THSD4: variants seen among roughly 807,000 people sequenced by gnomAD.
The protein encoded by THSD4 is thrombospondin type-1 domain-containing protein 4.
THSD4 carries 69 observed loss-of-function variants against 119.0 expected under a neutral mutation model. The observed-to-expected ratio is 0.58, with a 90% CI of 0.48 to 0.71. The LOEUF is 0.71. Among genes scored for constraint, THSD4 ranks in the 30% least tolerant of loss-of-function variants. The probability of loss-of-function intolerance (pLI) is 0.00; values close to 1 mark genes in which losing one functional copy is unlikely to be tolerated. For synonymous variants in THSD4, 524 were observed against 540.4 expected (o/e 0.97, Z 0.42); for missense variants, 1,393 against 1,391.1 (o/e 1.00, Z -0.02).
intron 7 of THSD4, among the ~76,000 whole-genome samples, chr15:71,502,485 CATGTTTTAACAATTTAAAA>C (rs1464731197): frequency 6.6e-6 from 1 of 152,092 alleles, no homozygotes; most frequent in Non-Finnish European, 1.5e-5. Flanking sequence ...AAATACTAAG[CATGTTTTAACAATTTAAAA>C]ATCTGCTGAA....
intron 8 of THSD4, among the ~76,000 whole-genome samples, chr15:71,694,014 CA>C (rs35248148): frequency 0.011 from 1,535 of 141,238 alleles, 25 homozygotes; most frequent in African/African-American, 0.034. Context: ...GACCCTGTCT[CA>C]AAAAAAAAAA....
In THSD4 at chr15:71,364,202, G is replaced by A. The variant is rs145346045; in HGVS notation, c.1016-47485G>A. Among the ~76,000 whole-genome samples, 927 of 152,286 alleles carry A rather than the reference G, an allele frequency of 6.1e-3. 12 individuals are homozygous for A. Among genetic ancestry groups the A allele is most frequent in the African/African-American group, 0.021 (876 of 41,552 alleles). ...GTTACAGAAAAGGCAGCATGATGGC[G>A]TGGAATCACATGGGATGGGAGTCAG... On this transcript the variant is annotated intron_variant, in intron 6 of 17. Coordinates refer to ENST00000261862, the MANE Select transcript of THSD4 (RefSeq NM_024817.3).
intron 1 of THSD4, among the ~76,000 whole-genome samples, chr15:71,126,491 A>G (rs2040457861): frequency 6.6e-6 from 1 of 152,218 alleles, no homozygotes. Flanking sequence ...GGGAATAGGG[A>G]AAGTTTAAAT....
chr15:71,625,144 C>G (rs2050484663), intron 7 of THSD4, among the ~76,000 whole-genome samples: 1 of 152,072 alleles, frequency 6.6e-6, no homozygotes, highest in South Asian at 2.1e-4. Context: ...GTAGCCAGGA[C>G]TGCAGATATG....
intron 6 of THSD4, among the ~76,000 whole-genome samples, chr15:71,359,589 C>T (rs1027815228): frequency 5.3e-5 from 8 of 152,156 alleles, no homozygotes; most frequent in African/African-American, 1.7e-4. Flanking sequence ...GGGTAGATTG[C>T]TTGAGTTCAA....
At chr15:71,108,448 C>T (rs192001817) in intron 1 of THSD4, among the ~76,000 whole-genome samples, 1 of 152,288 alleles carries the variant, frequency 6.6e-6, no homozygotes, top group East Asian at 1.9e-4. Flanking sequence ...CCGGGAAGAT[C>T]CTTAGCTTTA....
chr15:71,782,244 A>G lies in THSD4; in HGVS notation c.*4870A>G, dbSNP rs1197200078. 8.9e-6 allele frequency: 1 copy of G among 112,294 alleles called. No homozygotes were observed. The highest frequency in any genetic ancestry group is 9.8e-5 in the Admixed American group (1 of 10,160). 7.0% of individuals were successfully genotyped at this position (112,294 alleles called of 1,614,324 possible). A position where few individuals can be genotyped will look rare whatever the true frequency, so the allele number is the denominator to read the frequency against. On this transcript the variant is annotated 3_prime_UTR_variant, in exon 18 of 18. Coordinates refer to ENST00000261862, the MANE Select transcript of THSD4 (RefSeq NM_024817.3). The stretch of plus-strand genomic sequence containing the variant: ...CCATTCCTGTTCATTTCAGCAGATA[A>G]TGATGGAGGGGGGGGGTGTCCATCG...
chr15:71,337,121 C>T (rs140294911), intron 6 of THSD4, among the ~76,000 whole-genome samples: 19 of 152,258 alleles, frequency 1.2e-4, no homozygotes, highest in South Asian at 1.0e-3. Flanking sequence ...TGGTCCTGGG[C>T]TAGGCAGAGG....
intron 6 of THSD4, among the ~76,000 whole-genome samples, chr15:71,378,229 T>C (rs1368105249): frequency 5.3e-5 from 8 of 152,248 alleles, no homozygotes; most frequent in East Asian, 1.9e-4. Context: ...TGGCTTTTTC[T>C]AATAATATCA....
At chr15:71,645,520 C>T (rs1009778303) in intron 7 of THSD4, among the ~76,000 whole-genome samples, 2 of 152,132 alleles carry the variant, frequency 1.3e-5, no homozygotes, top group Admixed American at 6.5e-5. Context: ...ATAGCCAAAC[C>T]ATATCATGAG....
chr15:71,182,915 A>AT lies in THSD4; in HGVS notation c.99+27990dup, dbSNP rs373368458. On this transcript the variant is annotated intron_variant, in intron 3 of 17. Coordinates refer to ENST00000261862, the MANE Select transcript of THSD4 (RefSeq NM_024817.3). The stretch of plus-strand genomic sequence containing the variant: ...TTGTTCCTAATTGTATTCTCTTTGT[A>AT]TTTTTTTATACATTTGATGCATGCT... 5.8e-4 allele frequency among the ~76,000 whole-genome samples: 88 copies of AT among 151,770 alleles called. 2 individuals carry two copies. Among genetic ancestry groups the AT allele is most frequent in the African/African-American group, 1.7e-3 (71 of 41,492 alleles).
intron 6 of THSD4, among the ~76,000 whole-genome samples, chr15:71,276,004 C>T (rs190988681): frequency 8.6e-4 from 131 of 152,320 alleles, no homozygotes; most frequent in African/African-American, 3.0e-3. Flanking sequence ...ATACACTGTC[C>T]TTCCCCCAAA....
intron 8 of THSD4, among the ~76,000 whole-genome samples, chr15:71,696,479 C>T (rs557669609): frequency 8.5e-5 from 13 of 152,234 alleles, no homozygotes; most frequent in South Asian, 4.2e-4. Flanking sequence ...TCCCACTAGG[C>T]GCCACCTCCC....
intron 6 of THSD4, among the ~76,000 whole-genome samples, chr15:71,310,538 G>A (rs1463141979): frequency 6.6e-6 from 1 of 152,188 alleles, no homozygotes; most frequent in Non-Finnish European, 1.5e-5. Flanking sequence ...GTGATCTAAT[G>A]CTAATAGACT....
chr15:71,459,338 G>GTCTCTCTC (rs201750297), intron 7 of THSD4, among the ~76,000 whole-genome samples: 1 of 131,468 alleles, frequency 7.6e-6, no homozygotes, highest in Non-Finnish European at 1.6e-5. Context: ...CTCTCTCTCT[G>GTCTCTCTC]TCTCTCTGTC....
At chr15:71,578,142 T>C (rs1459166967) in intron 7 of THSD4, among the ~76,000 whole-genome samples, 1 of 149,246 alleles carries the variant, frequency 6.7e-6, no homozygotes, top group Non-Finnish European at 1.5e-5. Flanking sequence ...ATATACATTA[T>C]ATCTATCTAT....
intron 7 of THSD4, among the ~76,000 whole-genome samples, chr15:71,643,232 G>A (rs2050900374): frequency 6.6e-6 from 1 of 152,116 alleles, no homozygotes; most frequent in African/African-American, 2.4e-5. Flanking sequence ...CCAAAGAAAA[G>A]AGATATAAGT....
intron 7 of THSD4, among the ~76,000 whole-genome samples, chr15:71,485,770 AT>A (rs1320737245): frequency 6.6e-6 from 1 of 152,156 alleles, no homozygotes; most frequent in African/African-American, 2.4e-5. Context: ...ACTGGTAAAT[AT>A]TTTAGTGTTA....
chr15:71,432,205 C>A (rs992245852), intron 7 of THSD4, among the ~76,000 whole-genome samples: 2 of 152,174 alleles, frequency 1.3e-5, no homozygotes, highest in South Asian at 4.2e-4. Context: ...TTTTAACATA[C>A]TGAGTATGCC....
Sources: gnomAD v4.1 joint callset for allele counts (sites outside exome capture counted in the v4.1 genomes callset) on GRCh38, gnomAD v4.1.1 for gene constraint, MANE v1.5 for transcripts, NCBI Gene and HGNC (gene_info 2026-07-23, HGNC 2026-07-21) for gene names.